The following ADARB2 variants were observed in gnomAD, a reference collection of about 807,000 sequenced individuals.
ADARB2 encodes the protein inactive double-stranded RNA-specific editase B2.
ADARB2 carries 25 observed loss-of-function variants against 62.2 expected under a neutral mutation model. The observed-to-expected ratio is 0.40, with a 90% CI of 0.29 to 0.56. ADARB2 has a LOEUF of 0.56. Among genes scored for constraint, ADARB2 ranks in the 20% least tolerant of loss-of-function variants. The pLI is 0.43. For missense variants in ADARB2, 1,071 were observed against 1,077.4 expected, an observed-to-expected ratio of 0.99 and a Z score of 0.08; for synonymous variants, 572 against 500.8, an observed-to-expected ratio of 1.14 and a Z score of -1.90.
At chr10:1,708,949 G>A (rs533601551) in intron 1 of ADARB2, among the ~76,000 whole-genome samples, 3 of 152,176 alleles carry the variant, frequency 2.0e-5, no homozygotes, top group South Asian at 2.1e-4. Flanking sequence ...GGTGGTGGAC[G>A]CAAGACACAC....
intron 1 of ADARB2, among the ~76,000 whole-genome samples, chr10:1,563,290 C>T (rs532591448): frequency 6.6e-6 from 1 of 152,190 alleles, no homozygotes; most frequent in South Asian, 2.1e-4. Context: ...CCCTAAGGTG[C>T]GGACGTGTAT....
chr10:1,585,990 C>A (rs1230494366), intron 1 of ADARB2, among the ~76,000 whole-genome samples: 1 of 152,120 alleles, frequency 6.6e-6, no homozygotes, highest in African/African-American at 2.4e-5. Flanking sequence ...GCCAAGATAG[C>A]GCCACTGCAC....
intron 1 of ADARB2, among the ~76,000 whole-genome samples, chr10:1,615,508 CGG>C (rs894406381): frequency 2.3e-4 from 35 of 152,304 alleles, no homozygotes; most frequent in African/African-American, 8.4e-4. Flanking sequence ...ATTGTCCACC[CGG>C]GAGAGTGTGT....
intron 7 of ADARB2, chr10:1,216,275 G>A (rs1201093259): frequency 6.7e-6 from 1 of 150,050 alleles, no homozygotes; most frequent in Non-Finnish European, 1.5e-5. Flanking sequence ...ATCAGGCCAA[G>A]GTAGGGGGAG....
At chr10:1,693,315 G>C (rs1328590262) in intron 1 of ADARB2, among the ~76,000 whole-genome samples, 1 of 152,124 alleles carries the variant, frequency 6.6e-6, no homozygotes, top group Non-Finnish European at 1.5e-5. Context: ...GCCATGTCTA[G>C]CCTTGAGGGC....
chr10:1,425,278 G>T (rs557828898), intron 1 of ADARB2, among the ~76,000 whole-genome samples: 1 of 152,280 alleles, frequency 6.6e-6, no homozygotes, highest in South Asian at 2.1e-4. Flanking sequence ...TGGTTCTCCT[G>T]CCCTATATAC....
At chr10:1,268,546 A>T (rs1197673318) in intron 4 of ADARB2, among the ~76,000 whole-genome samples, 1 of 152,242 alleles carries the variant, frequency 6.6e-6, no homozygotes, top group Non-Finnish European at 1.5e-5. Context: ...ATTGTGACAT[A>T]TACAGCAACT....
chr10:1,214,322 A>G (rs1204746903), intron 7 of ADARB2, among the ~76,000 whole-genome samples: 499 of 37,116 alleles, frequency 0.013, no homozygotes, highest in Middle Eastern at 0.11. Flanking sequence ...ACCCAGCGTC[A>G]CGTGGGTTTG....
At chr10:1,729,670 T>A (rs1315069235) in intron 1 of ADARB2, among the ~76,000 whole-genome samples, 2 of 152,248 alleles carry the variant, frequency 1.3e-5, no homozygotes, top group Non-Finnish European at 2.9e-5. Flanking sequence ...GCCCTAGGTA[T>A]ATGCTTTGAG....
At chr10:1,506,547 T>C (rs1831855466) in intron 1 of ADARB2, among the ~76,000 whole-genome samples, 1 of 152,226 alleles carries the variant, frequency 6.6e-6, no homozygotes, top group South Asian at 2.1e-4. Flanking sequence ...ACTGTAGTAA[T>C]GCTAAGAACG....
chr10:1,642,549 A>G (rs190576420), intron 1 of ADARB2, among the ~76,000 whole-genome samples: 2 of 152,372 alleles, frequency 1.3e-5, no homozygotes, highest in Admixed American at 1.3e-4. Context: ...TTGATCAGAA[A>G]AAACCACCAC....
chr10:1,576,046 G>T (rs1355755810), intron 1 of ADARB2, among the ~76,000 whole-genome samples: 8 of 49,978 alleles, frequency 1.6e-4, no homozygotes, highest in African/African-American at 5.3e-4. Flanking sequence ...CGGCGGGGGG[G>T]TCAGGGTCAC....
chr10:1,326,748 G>A lies in ADARB2; in HGVS notation c.1077+36280C>T, dbSNP rs560553379. Among the ~76,000 whole-genome samples, 156 of 95,664 alleles carry A rather than the reference G, an allele frequency of 1.6e-3. 10 individuals are homozygous for A. Among genetic ancestry groups the A allele is most frequent in the South Asian group, 0.01 (24 of 2,302 alleles). 62.8% of individuals were successfully genotyped at this position (95,664 alleles called of 152,430 possible). On this transcript the variant is annotated intron_variant, in intron 3 of 9. Coordinates refer to ENST00000381312, the MANE Select transcript of ADARB2 (RefSeq NM_018702.4). ...GCCTCCCCATGGCACGGCGCCTCCC[G>A]ACGGCACGGCGCCTCTGGTAGCACA... is the stretch of plus-strand genomic sequence containing the variant.
chr10:1,737,014 A>T (rs1342158769), intron 1 of ADARB2, 37 bp downstream of exon 1: 2 of 1,602,956 alleles, frequency 1.2e-6, no homozygotes, highest in South Asian at 2.2e-5. Context: ...GCCGGGGGTG[A>T]AGGGGGGCAG....
intron 1 of ADARB2, among the ~76,000 whole-genome samples, chr10:1,586,415 C>T (rs868251754): frequency 3.3e-5 from 5 of 152,238 alleles, no homozygotes; most frequent in Non-Finnish European, 7.4e-5. Context: ...GCGGGATGGT[C>T]GGGAATGGCT....
At chr10:1,286,054 T>C (rs12573544) in intron 3 of ADARB2, among the ~76,000 whole-genome samples, 28,187 of 148,876 alleles carry the variant, frequency 0.19, 2,753 homozygotes, top group Admixed American at 0.29. Flanking sequence ...CTTTGAACTT[T>C]GTTTCACAGC....
chr10:1,537,259 G>A (rs1832344707), intron 1 of ADARB2, among the ~76,000 whole-genome samples: 1 of 152,198 alleles, frequency 6.6e-6, no homozygotes, highest in Non-Finnish European at 1.5e-5. Flanking sequence ...AAACCACACT[G>A]AGATGCCATC....
At chr10:1,348,862 T>C (rs1832106843) in intron 3 of ADARB2, among the ~76,000 whole-genome samples, 1 of 152,080 alleles carries the variant, frequency 6.6e-6, no homozygotes, top group Non-Finnish European at 1.5e-5. Context: ...GCTCTGGGGC[T>C]CATGGGAGGC....
intron 1 of ADARB2, chr10:1,556,677 G>C (rs1233135873): frequency 1.9e-6 from 1 of 534,456 alleles, no homozygotes; most frequent in Admixed American, 1.9e-5. Context: ...GCTGCAACCA[G>C]AGCTCAGCAA....
Sources: gnomAD v4.1 joint callset for allele counts (sites outside exome capture counted in the v4.1 genomes callset) on GRCh38, gnomAD v4.1.1 for gene constraint, MANE v1.5 for transcripts, NCBI Gene and HGNC (gene_info 2026-07-23, HGNC 2026-07-21) for gene names.